RAB4B: variants seen among roughly 807,000 people sequenced by gnomAD.
RAB4B encodes RAB4B, member RAS oncogene family, also known as ras-related protein Rab-4B.
RAB4B carries 15 observed loss-of-function variants against 28.3 expected under a neutral mutation model. That is an observed-to-expected ratio of 0.53 (90% CI 0.35 to 0.82). RAB4B has a LOEUF of 0.82. Ranked by LOEUF, RAB4B falls within the 40% of genes least tolerant of loss-of-function variation. The pLI is 0.01. For missense variants in RAB4B, 244 were observed against 288.5 expected (o/e 0.85, Z 1.12); for synonymous variants, 108 against 116.3 (o/e 0.93, Z 0.46).
intron 7 of RAB4B, among the ~76,000 whole-genome samples, chr19:40,793,550 TTTTTC>T (rs748701983): frequency 6.7e-5 from 10 of 150,236 alleles, no homozygotes; most frequent in East Asian, 2.0e-4. Flanking sequence ...CTCTTTTCCT[TTTTTC>T]TTTTCTTTTC....
At chr19:40,783,147 CAAAAAAAAAAAAAAA>C (rs1168587843) in intron 3 of RAB4B, among the ~76,000 whole-genome samples, 1 of 35,682 alleles carries the variant, frequency 2.8e-5, no homozygotes, top group African/African-American at 7.7e-5. Context: ...GATTCCTACT[CAAAAAAAAAAAAAAA>C]AAAAAAAAAA....
chr19:40,778,750 A>G (rs1339576587), intron 1 of RAB4B, among the ~76,000 whole-genome samples: 1 of 152,040 alleles, frequency 6.6e-6, no homozygotes, highest in African/African-American at 2.4e-5. Context: ...GCTAGAGGGA[A>G]CACTGAATGG....
chr19:40,784,962 G>A (rs1332363354), intron 5 of RAB4B, among the ~76,000 whole-genome samples: 2 of 151,556 alleles, frequency 1.3e-5, no homozygotes, highest in Non-Finnish European at 2.9e-5. Flanking sequence ...CTACAGGTGT[G>A]CGCCACAACG....
chr19:40,793,026 C>T (rs1162461164), intron 7 of RAB4B, among the ~76,000 whole-genome samples: 2 of 152,150 alleles, frequency 1.3e-5, no homozygotes, highest in South Asian at 2.1e-4. Context: ...ATCCACCCGC[C>T]TCGGTCTCCC....
intron 7 of RAB4B, among the ~76,000 whole-genome samples, chr19:40,788,307 C>T (rs985333543): frequency 6.6e-6 from 1 of 151,562 alleles, no homozygotes; most frequent in East Asian, 1.9e-4. Context: ...AACAAAGCAA[C>T]CTTATCTCCA....
intron 3 of RAB4B, among the ~76,000 whole-genome samples, chr19:40,782,677 G>A (rs1334830512): frequency 6.6e-6 from 1 of 151,974 alleles, no homozygotes; most frequent in Non-Finnish European, 1.5e-5. Flanking sequence ...GCCGGGCGTG[G>A]TGGTGCATGC....
Position 40,781,268 on chromosome 19 carries a change from C to G in RAB4B, c.212+769C>G, listed in dbSNP as rs574178839. 5.3e-5 allele frequency among the ~76,000 whole-genome samples: 8 copies of G among 150,248 alleles called. No individual in the cohort carries two copies. The South Asian group carries it at 1.7e-3, about 32-fold the overall frequency. Reference sequence around the variant, plus strand: ...CACCACTGCACCCCAGCCGGGGTGACAGAGCGAGACTCTGTCTCTGAATAA... The same window carrying G: ...CACCACTGCACCCCAGCCGGGGTGAGAGAGCGAGACTCTGTCTCTGAATAA... On this transcript the variant is annotated intron_variant, in intron 3 of 7. Coordinates refer to ENST00000357052, the MANE Select transcript of RAB4B (RefSeq NM_016154.5).
At chr19:40,781,841 G>A (rs933895037) in intron 3 of RAB4B, among the ~76,000 whole-genome samples, 4 of 152,010 alleles carry the variant, frequency 2.6e-5, no homozygotes, top group Non-Finnish European at 5.9e-5. Flanking sequence ...CTAACATGGT[G>A]AAACCCCGTC....
chr19:40,793,040 G>C (rs937476423), intron 7 of RAB4B, among the ~76,000 whole-genome samples: 9 of 152,096 alleles, frequency 5.9e-5, no homozygotes, highest in African/African-American at 2.2e-4. Flanking sequence ...GTCTCCCAAA[G>C]TGCTGGGATT....
intron 2 of RAB4B, 40 bp downstream of exon 2, chr19:40,780,139 T>C: frequency 6.2e-7 from 1 of 1,608,950 alleles, no homozygotes; most frequent in Non-Finnish European, 8.5e-7. Context: ...CTGAGCTGTG[T>C]TTATGCGCAT....
intron 1 of RAB4B, chr19:40,779,711 C>G (rs2083029110): frequency 2.5e-6 from 1 of 400,126 alleles, no homozygotes; most frequent in Admixed American, 4.5e-5. Flanking sequence ...CCATTGCACT[C>G]CAGCCTGGGC....
intron 3 of RAB4B, among the ~76,000 whole-genome samples, chr19:40,783,567 GAGAT>G (rs1269385134): frequency 6.6e-6 from 1 of 152,118 alleles, no homozygotes; most frequent in African/African-American, 2.4e-5. Flanking sequence ...CCAGCTAAGT[GAGAT>G]AGAAGCTGAG....
At chr19:40,780,166 C>T (rs1599738228) in intron 2 of RAB4B, 67 bp downstream of exon 2, 40 of 1,591,868 alleles carry the variant, frequency 2.5e-5, no homozygotes, top group Non-Finnish European at 3.3e-5. Context: ...GGCTGGTGGG[C>T]AGCCGGTGGG....
At chr19:40,780,533 G>T in intron 3 of RAB4B, 34 bp downstream of exon 3, 1 of 1,549,852 alleles carries the variant, frequency 6.5e-7, no homozygotes, top group East Asian at 2.3e-5. Context: ...GTGATGGGGA[G>T]AGAGAGTGAG....
chr19:40,780,438 A>C lies in RAB4B; in HGVS notation c.151A>C (p.Asn51His), dbSNP rs78547965. ...IGVEFGSRVV[N>H]VGGKTVKLQI... ...CGTGGAGTTTGGATCCCGGGTGGTC[A>C]ACGTGGGTGGGAAGACTGTGAAGCT... The change falls in exon 3 of 8, where the codon AAC (asparagine) becomes CAC (histidine). Residue 51 changes from asparagine to histidine, a missense_variant. Coordinates refer to ENST00000357052, the MANE Select transcript of RAB4B (RefSeq NM_016154.5). 6 of 1,613,622 alleles carry C rather than the reference A, an allele frequency of 3.7e-6. No individual in the cohort carries two copies. In the African/African-American group the frequency reaches 4.0e-5, roughly 11 times the overall value.
chr19:40,778,531 T>C, intron 1 of RAB4B, 140 bp downstream of exon 1: 1 of 848,220 alleles, frequency 1.2e-6, no homozygotes, highest in Non-Finnish European at 1.7e-6. Flanking sequence ...TGGGAGGGGT[T>C]TAGTGGGTCT....
Position 40,786,969 on chromosome 19 carries a change from G to C in RAB4B, c.*6G>C, listed in dbSNP as rs936948214. ...CTCAGCCGTGTGGCTGCTGAGCTCT[G>C]TGGAGCCAGGTGGGACACTGGGGGC... On this transcript the variant is annotated 3_prime_UTR_variant, in exon 7 of 8. Coordinates refer to ENST00000357052, the MANE Select transcript of RAB4B (RefSeq NM_016154.5). The C allele has an allele frequency of 1.4e-5, 23 of 1,613,272 alleles. No homozygotes were observed. Among genetic ancestry groups the C allele is most frequent in the Middle Eastern group, 3.3e-4 (2 of 6,010 alleles).
intron 7 of RAB4B, among the ~76,000 whole-genome samples, chr19:40,793,565 CTTTT>C (rs1269603015): frequency 4.0e-5 from 5 of 123,870 alleles, no homozygotes; most frequent in African/African-American, 8.8e-5. Context: ...CTTTTCTTTT[CTTTT>C]TTGTTTTTTT....
intron 3 of RAB4B, 49 bp from the exon 4 acceptor site, chr19:40,783,729 C>G: frequency 6.7e-7 from 1 of 1,498,080 alleles, no homozygotes; most frequent in Non-Finnish European, 8.9e-7. Flanking sequence ...GGGGCATTCT[C>G]GGGGCAGACC....
Sources: allele counts gnomAD v4.1 joint callset (sites outside exome capture counted in the v4.1 genomes callset), GRCh38; gene constraint gnomAD v4.1.1; transcripts MANE v1.5; gene names NCBI Gene and HGNC (gene_info 2026-07-23, HGNC 2026-07-21).